CUBN: variants seen among roughly 807,000 people sequenced by gnomAD.
CUBN encodes the protein 460 kDa receptor.
CUBN carries 282 observed loss-of-function variants against 405.3 expected under a neutral mutation model. That is an observed-to-expected ratio of 0.70 (90% confidence interval 0.63 to 0.77). CUBN has a LOEUF of 0.77. Ranked by LOEUF, CUBN falls within the 30% of genes least tolerant of loss-of-function variation. The probability of loss-of-function intolerance (pLI) is 0.00; values close to 1 mark genes in which losing one functional copy is unlikely to be tolerated. For synonymous variants in CUBN, 1,684 were observed against 1,617.0 expected (o/e 1.04, Z -0.99); for missense variants, 4,514 against 4,475.2 (o/e 1.01, Z -0.25).
At chr10:16,933,332 C>T (rs373723818) in intron 39 of CUBN, 48 bp from the exon 40 acceptor site, 62 of 1,546,424 alleles carry the variant, frequency 4.0e-5, no homozygotes, top group East Asian at 4.5e-5. Flanking sequence ...ATGGAAAAGA[C>T]GCTAGCTAGC....
At chr10:16,905,971 G>C (rs1359227157) in intron 50 of CUBN, among the ~76,000 whole-genome samples, 1 of 152,062 alleles carries the variant, frequency 6.6e-6, no homozygotes, top group Non-Finnish European at 1.5e-5. Context: ...ATAATTAGTT[G>C]TATGTGGTGA....
At chr10:16,937,484 TG>T (rs892096597) in intron 39 of CUBN, 107 bp downstream of exon 39, 2 of 876,514 alleles carry the variant, frequency 2.3e-6, no homozygotes, top group African/African-American at 3.3e-5. Flanking sequence ...GGAAGGGCTT[TG>T]GGGCTGTACT....
intron 45 of CUBN, 51 bp from the exon 46 acceptor site, chr10:16,916,081 A>T: frequency 6.4e-7 from 1 of 1,567,032 alleles, no homozygotes; most frequent in Non-Finnish European, 8.7e-7. Context: ...CAAGCAAGAA[A>T]GATTGATTCT....
chr10:16,906,352 T>C lies in CUBN; in HGVS notation c.7763A>G (p.Asp2588Gly), dbSNP rs1841556862. The change falls in exon 50 of 67, where the codon GAC becomes GGC. Residue 2588 changes from aspartate (D) to glycine (G), a missense_variant. Transcript: ENST00000377833. ...GTTTCTTGAGTAATTCCTGACTCCGTCATAGCCAGGAGAAGTAAAGTTTCC... is the reference window on the plus strand; with the variant it reads ...GTTTCTTGAGTAATTCCTGACTCCGCCATAGCCAGGAGAAGTAAAGTTTCC... Reference protein sequence around the residue: ...PEGNFTSPGYDGVRNYSRNLN... With the variant: ...PEGNFTSPGYGGVRNYSRNLN... 2.5e-6 allele frequency: 4 copies of C among 1,614,014 alleles called. No homozygotes were observed. The highest frequency in any genetic ancestry group is 3.4e-6 in the Non-Finnish European group (4 of 1,179,900).
chr10:17,064,724 C>T (rs1373609026), intron 22 of CUBN, among the ~76,000 whole-genome samples: 3 of 152,136 alleles, frequency 2.0e-5, no homozygotes, highest in Non-Finnish European at 2.9e-5. Flanking sequence ...GGGCTGGGAG[C>T]ATCTCTGGTT....
chr10:16,901,901 AT>A (rs1564412951), intron 51 of CUBN, among the ~76,000 whole-genome samples: 1 of 133,124 alleles, frequency 7.5e-6, no homozygotes, highest in Non-Finnish European at 1.6e-5. Context: ...ATATATATAT[AT>A]ATATATATAT....
At chr10:16,932,025 G>C (rs879308965) in intron 40 of CUBN, among the ~76,000 whole-genome samples, 3 of 152,178 alleles carry the variant, frequency 2.0e-5, no homozygotes, top group Non-Finnish European at 4.4e-5. Flanking sequence ...TAGATGTGAA[G>C]AGGGCATTCT....
chr10:16,939,221 C>CA, intron 37 of CUBN, 74 bp from the exon 38 acceptor site: 1 of 1,201,740 alleles, frequency 8.3e-7, no homozygotes, highest in Non-Finnish European at 1.2e-6. Flanking sequence ...AAACAAAAGG[C>CA]AAAGGGTGTT....
At chr10:17,037,840 C>A (rs541632868) in intron 27 of CUBN, among the ~76,000 whole-genome samples, 1 of 152,314 alleles carries the variant, frequency 6.6e-6, no homozygotes, top group Admixed American at 6.5e-5. Flanking sequence ...GCTCTCGCCC[C>A]ACAAACACTG....
chr10:16,953,914 A>AGAGGGGAG (rs113567526), intron 32 of CUBN, among the ~76,000 whole-genome samples: 87,713 of 146,706 alleles, frequency 0.6, 26,514 homozygotes, highest in African/African-American at 0.68. Flanking sequence ...AAGGGGAAGA[A>AGAGGGGAG]GAGGGGAGGA....
intron 40 of CUBN, among the ~76,000 whole-genome samples, chr10:16,931,067 T>C (rs1459830849): frequency 2.0e-5 from 3 of 150,876 alleles, no homozygotes; most frequent in Non-Finnish European, 3.0e-5. Context: ...CCATCCTGGT[T>C]AACACAGTGA....
chr10:17,033,318 C>T (rs1834823681), intron 27 of CUBN, among the ~76,000 whole-genome samples: 1 of 152,190 alleles, frequency 6.6e-6, no homozygotes, highest in Non-Finnish European at 1.5e-5. Flanking sequence ...CAGTTCCCAT[C>T]TCATGCCTTC....
intron 15 of CUBN, 113 bp downstream of exon 15, chr10:17,088,046 TTGAGA>T: frequency 1.3e-6 from 1 of 749,312 alleles, no homozygotes; most frequent in Non-Finnish European, 2.3e-6. Flanking sequence ...TGACTGACTA[TTGAGA>T]AACACACCTA....
rs534967799 is a variant in CUBN at position 17,072,035 on chromosome 10, G to A, written c.2302-64C>T. ...AGAAACTTACGTCGGCAATGGTGGC[G>A]TTACTTGGAGATGAAAAAATGGCAG... On this transcript the variant is annotated intron_variant, in intron 17 of 66. Transcript: ENST00000377833. 289 of 1,305,754 alleles carry A rather than the reference G, an allele frequency of 2.2e-4. 2 individuals carry two copies. In the Middle Eastern group the frequency reaches 2.5e-3, roughly 11 times the overall value. The allele number at this position is 1,305,754 out of a possible 1,614,324, so 80.9% of individuals were successfully genotyped here.
chr10:16,848,813 C>T (rs911192024), intron 60 of CUBN, among the ~76,000 whole-genome samples: 8 of 147,752 alleles, frequency 5.4e-5, no homozygotes, highest in Admixed American at 4.9e-4. Flanking sequence ...GGGATCCTTC[C>T]ACCTCAGTCT....
chr10:17,078,631 A>G (rs1835902917), intron 17 of CUBN, among the ~76,000 whole-genome samples: 1 of 152,146 alleles, frequency 6.6e-6, no homozygotes, highest in African/African-American at 2.4e-5. Flanking sequence ...CTGAAACCTA[A>G]GTGGTTTGAT....
chr10:16,887,710 A>C (rs989554270), intron 56 of CUBN, among the ~76,000 whole-genome samples: 1 of 152,202 alleles, frequency 6.6e-6, no homozygotes, highest in Non-Finnish European at 1.5e-5. Flanking sequence ...TGATCCACCA[A>C]GTTCATTTCT....
At chr10:16,851,922 CTCCCTCTATCTT>C in intron 59 of CUBN, among the ~76,000 whole-genome samples, 2 of 133,220 alleles carry the variant, frequency 1.5e-5, no homozygotes. Context: ...CTTTCCCTCC[CTCCCTCTATCTT>C]TCCCTCCCTC....
intron 8 of CUBN, 84 bp from the exon 9 acceptor site, chr10:17,111,134 C>G: frequency 1.4e-6 from 2 of 1,433,618 alleles, no homozygotes; most frequent in Non-Finnish European, 2.0e-6. Context: ...ATATAAAAAC[C>G]TTCTCCACCT....
Sources: allele counts gnomAD v4.1 joint callset (sites outside exome capture counted in the v4.1 genomes callset), GRCh38; gene constraint gnomAD v4.1.1; transcripts MANE v1.5; gene names NCBI Gene and HGNC (gene_info 2026-07-23, HGNC 2026-07-21).